The following SBF2 variants were observed in gnomAD, a reference collection of about 807,000 sequenced individuals.
SBF2 encodes myotubularin-related protein 13.
In SBF2, 112 loss-of-function variants were observed where a neutral mutation model predicts 225.2. The ratio of observed to expected loss-of-function variants is 0.50; its 90% CI spans 0.43 to 0.58. The LOEUF is 0.58. Among genes scored for constraint, SBF2 ranks in the 20% least tolerant of loss-of-function variants. The probability of loss-of-function intolerance (pLI) is 0.00; values close to 1 mark genes in which losing one functional copy is unlikely to be tolerated. For synonymous variants in SBF2, 763 were observed against 773.3 expected (o/e 0.99, Z 0.22); for missense variants, 1,996 against 2,206.2 (o/e 0.90, Z 1.91).
At chr11:10,237,351 A>T (rs540992308) in intron 1 of SBF2, among the ~76,000 whole-genome samples, 73 of 152,244 alleles carry the variant, frequency 4.8e-4, no homozygotes, top group African/African-American at 1.7e-3. Context: ...TGTCTCAAAA[A>T]ACACAAAAAC....
intron 30 of SBF2, among the ~76,000 whole-genome samples, chr11:9,811,560 C>T (rs1854186157): frequency 6.6e-6 from 1 of 152,116 alleles, no homozygotes; most frequent in Non-Finnish European, 1.5e-5. Context: ...AAGGGAGTAT[C>T]GACCAGTTCC....
At chr11:10,278,308 T>C (rs964923039) in intron 1 of SBF2, among the ~76,000 whole-genome samples, 9 of 152,246 alleles carry the variant, frequency 5.9e-5, no homozygotes, top group Non-Finnish European at 1.0e-4. Flanking sequence ...TATCAACTTA[T>C]AAAAGTTATA....
At chr11:9,961,842 C>T (rs752802335) in intron 16 of SBF2, 115 bp downstream of exon 16, 45 of 851,148 alleles carry the variant, frequency 5.3e-5, no homozygotes, top group Non-Finnish European at 8.3e-5. Context: ...ACTGACGCTT[C>T]ATCCTATTAG....
intron 2 of SBF2, among the ~76,000 whole-genome samples, chr11:10,156,174 A>G (rs980077709): frequency 6.6e-6 from 1 of 152,138 alleles, no homozygotes; most frequent in Non-Finnish European, 1.5e-5. Context: ...TTTCAGAGAA[A>G]AGCTGTGGCT....
chr11:9,959,838 G>A (rs530285584), intron 16 of SBF2: 16 of 551,452 alleles, frequency 2.9e-5, no homozygotes, highest in African/African-American at 2.1e-4. Flanking sequence ...GGTAGGCTGC[G>A]AGAGTGAGGA....
chr11:10,177,433 C>T (rs1332025975), intron 2 of SBF2, among the ~76,000 whole-genome samples: 6 of 150,036 alleles, frequency 4.0e-5, no homozygotes, highest in African/African-American at 1.5e-4. Context: ...GATTGTATAT[C>T]TAGAAAACCC....
At chr11:9,879,766 C>G (rs1036518726) in intron 17 of SBF2, among the ~76,000 whole-genome samples, 1 of 152,066 alleles carries the variant, frequency 6.6e-6, no homozygotes, top group East Asian at 1.9e-4. Flanking sequence ...AATAAAAGTT[C>G]AGACAGTTAA....
At chr11:10,008,887 A>G (rs1033043143) in intron 6 of SBF2, among the ~76,000 whole-genome samples, 1 of 152,220 alleles carries the variant, frequency 6.6e-6, no homozygotes, top group Non-Finnish European at 1.5e-5. Flanking sequence ...AGCCTTCTCA[A>G]TGCTTACCTC....
rs565638414 is a variant in SBF2, at chr11:10,217,068, C to T, written c.56-23081G>A. Reference sequence around the variant, plus strand: ...TAGTAGGTAATCAATGGACACTATACATTTGATAATTCAAGAAATAGAGGT... The same window carrying T: ...TAGTAGGTAATCAATGGACACTATATATTTGATAATTCAAGAAATAGAGGT... On this transcript the variant is annotated intron_variant, in intron 1 of 39. Transcript: ENST00000256190. 4.6e-5 allele frequency among the ~76,000 whole-genome samples: 7 copies of T among 152,202 alleles called. No homozygotes were observed. The East Asian group carries it at 5.8e-4, about 13-fold the overall frequency.
chr11:10,217,833 A>G (rs1958185956), intron 1 of SBF2, among the ~76,000 whole-genome samples: 1 of 152,156 alleles, frequency 6.6e-6, no homozygotes, highest in African/African-American at 2.4e-5. Context: ...AGTTTAATAG[A>G]CTAACAATTC....
intron 2 of SBF2, among the ~76,000 whole-genome samples, chr11:10,077,594 C>G (rs1951171847): frequency 6.6e-6 from 1 of 152,320 alleles, no homozygotes; most frequent in African/African-American, 2.4e-5. Context: ...ATGCAGAAAG[C>G]TGAAACTGGA....
rs566585577 is a variant in SBF2 at position 10,041,214 on chromosome 11, G to C, written c.279+1630C>G. Among the ~76,000 whole-genome samples the C allele has an allele frequency of 9.9e-5, 15 of 152,200 alleles. No homozygotes were observed. The East Asian group carries it at 2.9e-3, about 29-fold the overall frequency. On this transcript the variant is annotated intron_variant, in intron 3 of 39. Transcript: ENST00000256190. ...ACGAAAGGCCAATAAAAGAGACAGA[G>C]TGGTTCTTGGGCTAGAGAACACTCT...
rs989957425 is a variant in SBF2 at position 10,180,701 on chromosome 11, C to T, written c.141+13201G>A. ...TCTACCTCCTCTTTAAGGCCAATAA[C>T]TCTTAGATTTGCCCCATTGGGGCTA... is the stretch of plus-strand genomic sequence containing the variant. On this transcript the variant is annotated intron_variant, in intron 2 of 39. Coordinates refer to ENST00000256190, the MANE Select transcript of SBF2 (RefSeq NM_030962.4). 2.6e-5 allele frequency among the ~76,000 whole-genome samples: 4 copies of T among 152,120 alleles called. No individual in the cohort carries two copies. In the East Asian group the frequency reaches 7.7e-4, roughly 29 times the overall value.
chr11:9,926,158 GT>G (rs980039304), intron 16 of SBF2, among the ~76,000 whole-genome samples: 1 of 152,132 alleles, frequency 6.6e-6, no homozygotes, highest in East Asian at 1.9e-4. Flanking sequence ...TAGTCTCCTT[GT>G]TTTTTTCCCT....
chr11:10,013,407 G>T (rs1356976599), intron 6 of SBF2, among the ~76,000 whole-genome samples: 2 of 152,190 alleles, frequency 1.3e-5, no homozygotes, highest in Non-Finnish European at 2.9e-5. Flanking sequence ...GCAACCACCA[G>T]ATAAGAATGC....
At chr11:9,974,091 A>G (rs1946570294) in intron 13 of SBF2, among the ~76,000 whole-genome samples, 1 of 152,198 alleles carries the variant, frequency 6.6e-6, no homozygotes, top group African/African-American at 2.4e-5. Context: ...GGTAGTGTAC[A>G]TGACATTGAT....
At chr11:10,162,489 C>T (rs1203118022) in intron 2 of SBF2, among the ~76,000 whole-genome samples, 2 of 152,180 alleles carry the variant, frequency 1.3e-5, no homozygotes, top group Non-Finnish European at 2.9e-5. Flanking sequence ...GCCAGAGCAG[C>T]AACTAAAATA....
rs149967939 is a variant in SBF2, at chr11:9,968,533, G to T, written c.1408C>A (p.Pro470Thr). 138 of 1,613,424 alleles carry T rather than the reference G, an allele frequency of 8.6e-5. No individual in the cohort carries two copies. The African/African-American group carries it at 1.5e-3, about 18-fold the overall frequency. Reference sequence around the variant, plus strand: ...GGAACTTTCTGGAATGCCATATGAGGATTTGGATTCTCCTGTAATATCAGA... The same window carrying T: ...GGAACTTTCTGGAATGCCATATGAGTATTTGGATTCTCCTGTAATATCAGA... ...EQLFKNENPN[P>T]HMAFQKVPRP... Residue 470 changes from proline to threonine, a missense_variant, in exon 14 of 40, where the codon CCT (proline) becomes ACT (threonine). Pro to Thr is a conservative substitution (Grantham distance 38). Transcript: ENST00000256190.
At chr11:9,965,111 G>A (rs1470931484) in intron 14 of SBF2, among the ~76,000 whole-genome samples, 1 of 151,500 alleles carries the variant, frequency 6.6e-6, no homozygotes, top group Non-Finnish European at 1.5e-5. Flanking sequence ...ATTTATAAGT[G>A]AGAATAGTAT....
Sources: allele counts gnomAD v4.1 joint callset (sites outside exome capture counted in the v4.1 genomes callset), GRCh38; gene constraint gnomAD v4.1.1; transcripts MANE v1.5; gene names NCBI Gene and HGNC (gene_info 2026-07-23, HGNC 2026-07-21).